Variants in MAGI3 observed in about 807,000 individuals in gnomAD.
MAGI3 encodes membrane-associated guanylate kinase, WW and PDZ domain-containing protein 3.
Under a neutral mutation model 121.8 loss-of-function variants are expected in MAGI3, and 43 were observed. The ratio of observed to expected loss-of-function variants is 0.35; its 90% CI spans 0.28 to 0.46. The LOEUF is 0.46. MAGI3 is among the 20% of genes least tolerant of loss of function. The pLI, the probability that MAGI3 is intolerant of heterozygous loss-of-function variation, is 1.00. For missense variants in MAGI3, 1,547 were observed against 1,797.3 expected (o/e 0.86, Z 2.52); for synonymous variants, 553 against 639.3 (o/e 0.86, Z 2.04).
chr1:113,539,790 CTTT>C (rs1164684531), intron 1 of MAGI3, among the ~76,000 whole-genome samples: 7 of 137,418 alleles, frequency 5.1e-5, no homozygotes, highest in Non-Finnish European at 6.4e-5. Flanking sequence ...TGAAGCATTA[CTTT>C]TTTTTTTTTT....
chr1:113,682,636 A>G (rs1055857897), intron 20 of MAGI3: 4 of 979,360 alleles, frequency 4.1e-6, no homozygotes, highest in East Asian at 2.3e-4. Flanking sequence ...TACAGATCAT[A>G]TATTATCTCA....
Position 113,656,124 on chromosome 1 carries a change from A to T in MAGI3, c.2629+2106A>T, listed in dbSNP as rs1403997518. On this transcript the variant is annotated intron_variant, in intron 15 of 20. Coordinates refer to ENST00000307546, the MANE Select transcript of MAGI3 (RefSeq NM_001142782.2). ...TAGGCTCAGGTTGTTGATGAATTTT[A>T]TGTAAAGTACTTGAGATTTTCAGTC... Among the ~76,000 whole-genome samples, 4 of 152,240 alleles carry T rather than the reference A, an allele frequency of 2.6e-5. No individual in the cohort carries two copies. In the East Asian group the frequency reaches 5.8e-4, roughly 22 times the overall value.
At chr1:113,653,659 T>C (rs533259450) in intron 14 of MAGI3, among the ~76,000 whole-genome samples, 171 bp from the exon 15 acceptor site, 1 of 152,280 alleles carries the variant, frequency 6.6e-6, no homozygotes, top group South Asian at 2.1e-4. Context: ...TGGACTGCTG[T>C]TGCCTACATC....
chr1:113,485,097 C>G (rs1467862821), intron 1 of MAGI3, among the ~76,000 whole-genome samples: 3 of 152,122 alleles, frequency 2.0e-5, no homozygotes, highest in Non-Finnish European at 4.4e-5. Flanking sequence ...CATATTTCTG[C>G]AACTGCAAAT....
At chr1:113,636,011 C>A (rs991672196) in intron 9 of MAGI3, among the ~76,000 whole-genome samples, 4 of 152,046 alleles carry the variant, frequency 2.6e-5, no homozygotes, top group Admixed American at 2.6e-4. Context: ...AGTTTATTTG[C>A]GTAGAGGTGT....
chr1:113,644,556 C>G (rs1244912235), intron 11 of MAGI3, among the ~76,000 whole-genome samples: 1 of 152,202 alleles, frequency 6.6e-6, no homozygotes, highest in Non-Finnish European at 1.5e-5. Context: ...GCTGGGATTA[C>G]AGGCATGATA....
At chr1:113,431,691 G>A (rs997876971) in intron 1 of MAGI3, among the ~76,000 whole-genome samples, 1 of 152,088 alleles carries the variant, frequency 6.6e-6, no homozygotes, top group Non-Finnish European at 1.5e-5. Context: ...AAGGTAATAA[G>A]ATTTTATTGA....
At chr1:113,566,418 A>G (rs955708702) in intron 2 of MAGI3, among the ~76,000 whole-genome samples, 3 of 152,204 alleles carry the variant, frequency 2.0e-5, no homozygotes, top group Admixed American at 2.0e-4. Flanking sequence ...CAAAAGATCA[A>G]TGAGGAAACA....
chr1:113,403,249 A>G (rs1275634826), intron 1 of MAGI3, among the ~76,000 whole-genome samples: 3 of 151,962 alleles, frequency 2.0e-5, no homozygotes, highest in African/African-American at 4.8e-5. Flanking sequence ...AGTGGCAAGA[A>G]AATGCTACTG....
rs1652564301 is a variant in MAGI3 at position 113,641,956 on chromosome 1, C to G, written c.1406C>G (p.Thr469Ser). The G allele has an allele frequency of 6.2e-7, 1 of 1,609,004 alleles. No homozygotes were observed. Among genetic ancestry groups the G allele is most frequent in the African/African-American group, 1.3e-5 (1 of 74,946 alleles). ...AATGGCAACTGTGTCCTCGGTCACA[C>G]TCATGCAGATGTTGTCCAGATGTTT... ...DINGNCVLGHTHADVVQMFQL... is the reference protein window; with the variant it reads ...DINGNCVLGHSHADVVQMFQL... Residue 469 changes from threonine to serine, a missense_variant, in exon 10 of 21, where the codon ACT becomes AGT. Physicochemically the swap from Thr to Ser is moderately conservative, Grantham distance 58. Transcript: ENST00000307546.
intron 20 of MAGI3, among the ~76,000 whole-genome samples, chr1:113,681,841 C>T (rs989376220): frequency 6.6e-6 from 1 of 152,192 alleles, no homozygotes; most frequent in African/African-American, 2.4e-5. Flanking sequence ...GGAGTTGGAC[C>T]TGAGACCATT....
At chr1:113,557,144 T>TC (rs1660028004) in intron 2 of MAGI3, among the ~76,000 whole-genome samples, 1 of 150,718 alleles carries the variant, frequency 6.6e-6, no homozygotes. Flanking sequence ...CAAGGGAGCG[T>TC]CCCCCCAGCA....
At chr1:113,433,388 A>C (rs1054973430) in intron 1 of MAGI3, among the ~76,000 whole-genome samples, 9 of 152,230 alleles carry the variant, frequency 5.9e-5, no homozygotes, top group African/African-American at 1.9e-4. Flanking sequence ...TGAGTCATTA[A>C]ATAGAACACT....
intron 1 of MAGI3, among the ~76,000 whole-genome samples, chr1:113,443,367 T>C (rs534711164): frequency 1.3e-5 from 2 of 152,304 alleles, no homozygotes; most frequent in South Asian, 4.1e-4. Flanking sequence ...TTAGAATTAC[T>C]TTCTTTTTCC....
intron 1 of MAGI3, among the ~76,000 whole-genome samples, chr1:113,517,587 C>G (rs1456230581): frequency 6.6e-6 from 1 of 151,746 alleles, no homozygotes; most frequent in Non-Finnish European, 1.5e-5. Flanking sequence ...TTTTAGTGTC[C>G]TTGAGGGTTT....
At chr1:113,481,771 A>G (rs1187595281) in intron 1 of MAGI3, among the ~76,000 whole-genome samples, 1 of 152,194 alleles carries the variant, frequency 6.6e-6, no homozygotes, top group Non-Finnish European at 1.5e-5. Flanking sequence ...AAATCACCAC[A>G]CATTCAGTGA....
At chr1:113,643,717 A>G (rs1413966086) in intron 10 of MAGI3, 26 bp from the exon 11 acceptor site, 1 of 1,612,432 alleles carries the variant, frequency 6.2e-7, no homozygotes, top group South Asian at 1.1e-5. Flanking sequence ...CTCTGGTTTT[A>G]AACTTTGGTT....
intron 2 of MAGI3, among the ~76,000 whole-genome samples, chr1:113,565,534 C>T: frequency 6.6e-6 from 1 of 152,156 alleles, no homozygotes. Flanking sequence ...AAGCTTGTAA[C>T]AAATAATCAG....
In MAGI3 at chr1:113,538,062, G is replaced by A. The variant is rs190498415; in HGVS notation, c.317-11453G>A. On this transcript the variant is annotated intron_variant, in intron 1 of 20. Transcript: ENST00000307546. Reference sequence around the variant, plus strand: ...GTATATATTTTTAAAAGCTATCAGAGAAAAGAAAACTATTAAATTGTTCCT... The same window carrying A: ...GTATATATTTTTAAAAGCTATCAGAAAAAAGAAAACTATTAAATTGTTCCT... Among the ~76,000 whole-genome samples, 1,310 of 152,214 alleles carry A rather than the reference G, an allele frequency of 8.6e-3. 10 individuals are homozygous for A. The highest frequency in any genetic ancestry group is 0.014 in the Middle Eastern group (4 of 294).
Sources: allele counts gnomAD v4.1 joint callset (sites outside exome capture counted in the v4.1 genomes callset), GRCh38; gene constraint gnomAD v4.1.1; transcripts MANE v1.5; gene names NCBI Gene and HGNC (gene_info 2026-07-23, HGNC 2026-07-21).